TMPRSS9: variants seen among roughly 807,000 people sequenced by gnomAD.
TMPRSS9 encodes transmembrane serine protease 9, also known as transmembrane protease serine 9.
A neutral mutation model predicts 111.4 loss-of-function variants in TMPRSS9; 113 were observed. The observed-to-expected ratio is 1.01, with a 90% CI of 0.87 to 1.19. TMPRSS9 has a LOEUF of 1.19. Ranked by LOEUF, TMPRSS9 falls within the 50% of genes most tolerant of loss-of-function variation. The pLI, the probability that TMPRSS9 is intolerant of heterozygous loss-of-function variation, is 0.00. For synonymous variants in TMPRSS9, 805 were observed against 659.1 expected, an observed-to-expected ratio of 1.22 and a Z score of -3.39; for missense variants, 1,803 against 1,513.1, an observed-to-expected ratio of 1.19 and a Z score of -3.18.
chr19:2,408,594 C>G (rs1268306711), exon 8 of TMPRSS9: 3 of 1,613,366 alleles, frequency 1.9e-6, no homozygotes, highest in East Asian at 2.2e-5. Flanking sequence ...CAAGAAGTGC[C>G]TGATCTCAGG....
intron 12 of TMPRSS9, among the ~76,000 whole-genome samples, chr19:2,417,344 TA>T (rs1348430274): frequency 6.6e-6 from 1 of 151,732 alleles, no homozygotes; most frequent in Non-Finnish European, 1.5e-5. Flanking sequence ...TGCATGCCTG[TA>T]ATCCCAGCTA....
intron 1 of TMPRSS9, among the ~76,000 whole-genome samples, chr19:2,368,598 A>C (rs1440142823): frequency 6.6e-6 from 1 of 151,778 alleles, no homozygotes; most frequent in Non-Finnish European, 1.5e-5. Context: ...TCCCGTTGAG[A>C]ATAGACCCAG....
At chr19:2,420,819 AAATAG>A (rs1457687295) in intron 13 of TMPRSS9, among the ~76,000 whole-genome samples, 2 of 152,214 alleles carry the variant, frequency 1.3e-5, no homozygotes, top group Non-Finnish European at 2.9e-5. Context: ...CTGACAATAA[AAATAG>A]AATAATAGGT....
At chr19:2,403,001 G>A (rs1970884448) in intron 5 of TMPRSS9, 81 bp from the exon 7 acceptor site, 1 of 932,556 alleles carries the variant, frequency 1.1e-6, no homozygotes, top group Non-Finnish European at 1.7e-6. Context: ...GTACCCTGGT[G>A]GTACTAAGTA....
In TMPRSS9 at chr19:2,426,071, C is replaced by A; in HGVS notation, c.3265C>A (p.Gln1089Lys). 3 of 1,608,336 alleles carry A rather than the reference C, an allele frequency of 1.9e-6. No homozygotes were observed. The South Asian group carries it at 3.3e-5, about 18-fold the overall frequency. ...GGCAGCTGTGAGAGGCTGGATAGGA[C>A]AGCACATCCAGGAGTGACCACCACG... The change falls in exon 18 of 18, where the codon CAG (glutamine) becomes AAG (lysine). Residue 1089 changes from glutamine (Q) to lysine (K), a missense_variant. Physicochemically the swap from Gln to Lys is moderately conservative, Grantham distance 53 (BLOSUM62 1). Transcript: ENST00000648592.
chr19:2,388,303 T>G (rs995668132), upstream of TMPRSS9, among the ~76,000 whole-genome samples: 1 of 151,936 alleles, frequency 6.6e-6, no homozygotes, highest in African/African-American at 2.4e-5. Flanking sequence ...GGAGGATCGC[T>G]TGAGCCCAGG....
chr19:2,365,062 A>G (rs1022761788), intron 1 of TMPRSS9, among the ~76,000 whole-genome samples: 2 of 152,124 alleles, frequency 1.3e-5, no homozygotes, highest in African/African-American at 4.8e-5. Flanking sequence ...TCTACGTTGC[A>G]ATCCAGGATC....
upstream of TMPRSS9, among the ~76,000 whole-genome samples, chr19:2,386,455 A>C (rs540046243): frequency 4.0e-4 from 60 of 150,632 alleles, no homozygotes; most frequent in African/African-American, 1.3e-3. Flanking sequence ...CAGTGAGCCG[A>C]GATCGCGCCA....
chr19:2,404,019 AT>A (rs1970914122), intron 6 of TMPRSS9, among the ~76,000 whole-genome samples: 1 of 150,418 alleles, frequency 6.6e-6, no homozygotes. Context: ...AGAAAAAAAA[AT>A]TAGCCAGCGT....
intron 1 of TMPRSS9, among the ~76,000 whole-genome samples, chr19:2,390,489 C>A (rs1226518262): frequency 6.7e-6 from 1 of 149,564 alleles, no homozygotes; most frequent in African/African-American, 2.4e-5. Context: ...ATGATCCGCC[C>A]GCCTCAGCCT....
intron 1 of TMPRSS9, among the ~76,000 whole-genome samples, chr19:2,361,894 GGACACCTGTGGTCCTGGCTTCCT>G: frequency 6.6e-6 from 1 of 152,324 alleles, no homozygotes; most frequent in Middle Eastern, 3.4e-3. Context: ...ATGCCCCGCA[GGACACCTGTGGTCCTGGCTTCCT>G]GACGCCTTCC....
At chr19:2,399,677 G>A (rs1258407547) in intron 4 of TMPRSS9, among the ~76,000 whole-genome samples, 1 of 152,112 alleles carries the variant, frequency 6.6e-6, no homozygotes, top group Non-Finnish European at 1.5e-5. Context: ...CCAGAGTGTT[G>A]TGTTGTGTTG....
At chr19:2,418,304 C>G (rs1472059008) in intron 13 of TMPRSS9, among the ~76,000 whole-genome samples, 166 bp downstream of exon 14, 5 of 70,610 alleles carry the variant, frequency 7.1e-5, no homozygotes, top group Admixed American at 2.3e-4. Context: ...TCCTTCCCTC[C>G]CTTTCCCTCC....
chr19:2,365,041 A>G lies in TMPRSS9; in HGVS notation c.-26+4681A>G, dbSNP rs1970238084. The stretch of plus-strand genomic sequence containing the variant: ...GGGTGCCACACTCTGTCTTCCCACC[A>G]ATATTTCTGTTCTACGTTGCAATCC... On this transcript the variant is annotated intron_variant, in intron 1 of 17. Coordinates refer to the TMPRSS9 transcript ENST00000649857. Among the ~76,000 whole-genome samples, 8 of 152,030 alleles carry G rather than the reference A, an allele frequency of 5.3e-5. No individual in the cohort carries two copies. The South Asian group carries it at 1.7e-3, about 32-fold the overall frequency.
At chr19:2,422,919 T>A (rs1971498966) in intron 14 of TMPRSS9, among the ~76,000 whole-genome samples, 1 of 151,596 alleles carries the variant, frequency 6.6e-6, no homozygotes, top group Non-Finnish European at 1.5e-5. Flanking sequence ...AAGCCAGGCG[T>A]GATGGTGCAT....
upstream of TMPRSS9, among the ~76,000 whole-genome samples, chr19:2,385,209 CGGGGCTCGA>C (rs1568173025): frequency 0.046 from 130 of 2,802 alleles, 1 homozygote; most frequent in African/African-American, 0.14. Flanking sequence ...CTCGAGGGGG[CGGGGCTCGA>C]GGGGGCGGGG....
intron 1 of TMPRSS9, among the ~76,000 whole-genome samples, chr19:2,391,359 T>C (rs1009183466): frequency 3.8e-5 from 4 of 105,052 alleles, no homozygotes; most frequent in African/African-American, 1.4e-4. Flanking sequence ...AGAATCCTCC[T>C]AGGTTTTTTT....
At chr19:2,380,772 C>G (rs1258190810) in intron 1 of TMPRSS9, among the ~76,000 whole-genome samples, 2 of 152,210 alleles carry the variant, frequency 1.3e-5, no homozygotes, top group South Asian at 4.1e-4. Context: ...TTGTTTGAAG[C>G]TGCTAAGTTT....
chr19:2,361,456 G>A (rs1488017552), intron 1 of TMPRSS9, among the ~76,000 whole-genome samples: 3 of 151,916 alleles, frequency 2.0e-5, no homozygotes, highest in East Asian at 1.9e-4. Flanking sequence ...TCTCACCCTC[G>A]GAGCCGCTTC....
Sources: gnomAD v4.1 joint callset for allele counts (sites outside exome capture counted in the v4.1 genomes callset) on GRCh38, gnomAD v4.1.1 for gene constraint, MANE v1.5 for transcripts, NCBI Gene and HGNC (gene_info 2026-07-23, HGNC 2026-07-21) for gene names.